Variants in CFAP54 observed in about 807,000 individuals in gnomAD.
The protein encoded by CFAP54 is cilia- and flagella-associated protein 54.
Under a neutral mutation model 370.4 loss-of-function variants are expected in CFAP54, and 290 were observed. That is an observed-to-expected ratio of 0.78 (90% CI 0.71 to 0.86). The LOEUF (loss-of-function observed/expected upper bound fraction) is 0.86. CFAP54 is among the 40% of genes least tolerant of loss of function. The pLI is 0.00. For missense variants in CFAP54, 3,399 were observed against 3,528.7 expected (o/e 0.96, Z 0.93); for synonymous variants, 1,206 against 1,236.5 (o/e 0.98, Z 0.52).
At chr12:96,631,939 T>A (rs1234002455) in intron 32 of CFAP54, among the ~76,000 whole-genome samples, 1 of 151,862 alleles carries the variant, frequency 6.6e-6, no homozygotes, top group Non-Finnish European at 1.5e-5. Context: ...TACTAGATAT[T>A]GCTAAGTTGC....
intron 58 of CFAP54, among the ~76,000 whole-genome samples, chr12:96,760,353 A>C (rs1458165708): frequency 1.3e-5 from 2 of 152,188 alleles, no homozygotes; most frequent in Non-Finnish European, 2.9e-5. Context: ...GTAAATTTAC[A>C]GAGTTGTTCA....
At chr12:96,625,937 C>T (rs1224611660) in intron 29 of CFAP54, 130 bp downstream of exon 29, 2 of 687,706 alleles carry the variant, frequency 2.9e-6, no homozygotes, top group Non-Finnish European at 4.8e-6. Context: ...GAATTCTTAC[C>T]CACTCAGAAT....
At chr12:96,497,091 A>G (rs901958238) in intron 1 of CFAP54, among the ~76,000 whole-genome samples, 3 of 152,204 alleles carry the variant, frequency 2.0e-5, no homozygotes, top group Non-Finnish European at 2.9e-5. Context: ...TACATGTACT[A>G]GGTATTCACT....
At chr12:96,771,555 G>C (rs1427412246) in intron 60 of CFAP54, among the ~76,000 whole-genome samples, 1 of 152,224 alleles carries the variant, frequency 6.6e-6, no homozygotes, top group Admixed American at 6.5e-5. Flanking sequence ...GGGAGGCTGA[G>C]GCAGGAGAAT....
intron 26 of CFAP54, among the ~76,000 whole-genome samples, chr12:96,605,146 A>G (rs1056820149): frequency 2.0e-5 from 3 of 152,232 alleles, no homozygotes; most frequent in African/African-American, 2.4e-5. Flanking sequence ...AGCATTATAT[A>G]TGGTCACACA....
In CFAP54 at chr12:96,655,106, G is replaced by A. The variant is rs528174770; in HGVS notation, c.5101-2776G>A. Among the ~76,000 whole-genome samples the A allele has an allele frequency of 8.0e-4, 122 of 151,964 alleles. 1 individual carries two copies. Among genetic ancestry groups the A allele is most frequent in the African/African-American group, 2.6e-3 (107 of 41,510 alleles). ...GATATCAAGGCTTACTAAAGCTATGGTAATTAGGAGAGTATGATACTGACC... is the reference window on the plus strand; with the variant it reads ...GATATCAAGGCTTACTAAAGCTATGATAATTAGGAGAGTATGATACTGACC... On this transcript the variant is annotated intron_variant, in intron 36 of 67. Transcript: ENST00000524981.
In CFAP54 at chr12:96,693,761, G is replaced by A. The variant is rs776874180; in HGVS notation, c.6304G>A (p.Gly2102Arg). 1.2e-6 allele frequency: 2 copies of A among 1,602,106 alleles called. No homozygotes were observed. Among genetic ancestry groups the A allele is most frequent in the South Asian group, 2.2e-5 (2 of 90,186 alleles). Residue 2102 changes from glycine (G) to arginine (R), a missense_variant, in exon 45 of 68, where the codon GGA becomes AGA. Gly to Arg is a moderately radical substitution (Grantham distance 125, BLOSUM62 -2). Transcript: ENST00000524981. ...LLALYQYFVSGICQDITRNLE... is the reference protein window; with the variant it reads ...LLALYQYFVSRICQDITRNLE... ...TGCATTGTATCAATATTTTGTTTCT[G>A]GAATTTGTCAAGACATAACAAGAAA... is the stretch of plus-strand genomic sequence containing the variant.
chr12:96,626,392 C>CAA (rs1396952837), intron 29 of CFAP54, among the ~76,000 whole-genome samples: 26 of 103,764 alleles, frequency 2.5e-4, no homozygotes, highest in African/African-American at 9.4e-4. Context: ...TCTCAAAAAA[C>CAA]AAAAAAAAAA....
In CFAP54 at chr12:96,489,623, G is replaced by A. The variant is rs1329061049; in HGVS notation, c.14G>A (p.Gly5Asp). The change falls in exon 1 of 68, where the codon GGC becomes GAC. Residue 5 changes from glycine to aspartate, a missense_variant. Coordinates refer to ENST00000524981, the MANE Select transcript of CFAP54 (RefSeq NM_001306084.2). Reference protein sequence around the residue: MAAQGSPSSSPSDDS... With the variant: MAAQDSPSSSPSDDS... The stretch of plus-strand genomic sequence containing the variant: ...GGGCGCGTCAATATGGCGGCGCAGG[G>A]CTCCCCCTCGAGCTCTCCGTCAGAC... 2 of 1,521,808 alleles carry A rather than the reference G, an allele frequency of 1.3e-6. No homozygotes were observed. Among genetic ancestry groups the A allele is most frequent in the Non-Finnish European group, 1.8e-6 (2 of 1,136,258 alleles). The allele number at this position is 1,521,808 out of a possible 1,614,324, so 94.3% of individuals were successfully genotyped here.
intron 38 of CFAP54, among the ~76,000 whole-genome samples, chr12:96,659,520 T>G (rs1956966702): frequency 6.6e-6 from 1 of 152,214 alleles, no homozygotes; most frequent in Admixed American, 6.5e-5. Context: ...AAATAAAATG[T>G]TTGAATTTCT....
At chr12:96,812,541 A>G (rs1298530607) in intron 64 of CFAP54, among the ~76,000 whole-genome samples, 2 of 152,178 alleles carry the variant, frequency 1.3e-5, no homozygotes, top group Admixed American at 6.5e-5. Flanking sequence ...CCATTGTAGG[A>G]TGGAAATGAT....
chr12:96,736,233 C>T (rs1957978932), intron 50 of CFAP54, among the ~76,000 whole-genome samples: 2 of 152,134 alleles, frequency 1.3e-5, no homozygotes, highest in South Asian at 4.1e-4. Flanking sequence ...TCTCTTTCAG[C>T]ATTATGTGTT....
At chr12:96,684,879 C>A in intron 41 of CFAP54, 144 bp downstream of exon 41, 2 of 951,900 alleles carry the variant, frequency 2.1e-6, no homozygotes, top group Admixed American at 2.5e-5. Flanking sequence ...TCAAATGCTA[C>A]CTGAGAGAAA....
intron 13 of CFAP54, among the ~76,000 whole-genome samples, chr12:96,538,953 C>T (rs561614198): frequency 6.6e-6 from 1 of 151,912 alleles, no homozygotes; most frequent in South Asian, 2.1e-4. Context: ...GGGGTTTTAC[C>T]ACATTGCCCA....
At chr12:96,771,614 T>G (rs1405710404) in intron 60 of CFAP54, among the ~76,000 whole-genome samples, 1 of 152,094 alleles carries the variant, frequency 6.6e-6, no homozygotes, top group Admixed American at 6.6e-5. Context: ...ATAGCGCCAC[T>G]GCACTCCGGC....
chr12:96,506,136 G>A (rs2136352874), intron 3 of CFAP54, among the ~76,000 whole-genome samples: 1 of 152,154 alleles, frequency 6.6e-6, no homozygotes, highest in South Asian at 2.1e-4. Flanking sequence ...TCAGGAGATC[G>A]AGACCATCCT....
At chr12:96,709,865 C>T (rs1198728899) in intron 48 of CFAP54, among the ~76,000 whole-genome samples, 5 of 151,890 alleles carry the variant, frequency 3.3e-5, no homozygotes, top group Non-Finnish European at 7.4e-5. Context: ...GGACAATAGG[C>T]GCCTGCCACC....
At chr12:96,608,028 A>G (rs1956318489) in intron 26 of CFAP54, among the ~76,000 whole-genome samples, 1 of 152,230 alleles carries the variant, frequency 6.6e-6, no homozygotes, top group African/African-American at 2.4e-5. Context: ...GATTCAGAAC[A>G]GAAATCCCAA....
intron 66 of CFAP54, among the ~76,000 whole-genome samples, chr12:96,848,928 A>G (rs1281454951): frequency 6.6e-6 from 1 of 152,174 alleles, no homozygotes; most frequent in Non-Finnish European, 1.5e-5. Flanking sequence ...TAGATTGGGG[A>G]GAATATTATC....
Sources: allele counts gnomAD v4.1 joint callset (sites outside exome capture counted in the v4.1 genomes callset), GRCh38; gene constraint gnomAD v4.1.1; transcripts MANE v1.5; gene names NCBI Gene and HGNC (gene_info 2026-07-23, HGNC 2026-07-21).